Variants in KIF13B observed in about 807,000 individuals in gnomAD.
KIF13B encodes the protein kinesin family member 13B.
In KIF13B, 127 loss-of-function variants were observed where a neutral mutation model predicts 222.0. That is an observed-to-expected ratio of 0.57 (90% CI 0.50 to 0.66). KIF13B has a LOEUF of 0.66. KIF13B is among the 30% of genes least tolerant of loss of function. The pLI, the probability that KIF13B is intolerant of heterozygous loss-of-function variation, is 0.00. For missense variants in KIF13B, 2,173 were observed against 2,379.0 expected (o/e 0.91, Z 1.80); for synonymous variants, 976 against 919.0 (o/e 1.06, Z -1.12).
chr8:29,160,979 T>A, intron 12 of KIF13B, 112 bp from the exon 13 acceptor site: 2 of 861,632 alleles, frequency 2.3e-6, no homozygotes, highest in Non-Finnish European at 3.6e-6. Flanking sequence ...TTCAAATACA[T>A]TCTCTTAGGC....
At chr8:29,197,108 C>T (rs1475870890) in intron 2 of KIF13B, among the ~76,000 whole-genome samples, 2 of 151,708 alleles carry the variant, frequency 1.3e-5, no homozygotes, top group South Asian at 2.1e-4. Flanking sequence ...GAGGCCGAGG[C>T]GGGCGGATCA....
chr8:29,152,811 C>T (rs892930389), intron 14 of KIF13B, among the ~76,000 whole-genome samples: 1 of 152,140 alleles, frequency 6.6e-6, no homozygotes, highest in South Asian at 2.1e-4. Context: ...CTCCTGACCT[C>T]AAGTAATCCG....
intron 2 of KIF13B, among the ~76,000 whole-genome samples, chr8:29,200,690 T>C (rs1043347273): frequency 2.6e-5 from 4 of 152,190 alleles, no homozygotes; most frequent in African/African-American, 7.2e-5. Flanking sequence ...CTAATGTCCT[T>C]TTTTTGGTCC....
At chr8:29,244,675 A>G (rs1440260767) in intron 2 of KIF13B, among the ~76,000 whole-genome samples, 1 of 152,162 alleles carries the variant, frequency 6.6e-6, no homozygotes, top group Non-Finnish European at 1.5e-5. Flanking sequence ...ATCCCAGCTT[A>G]TTTACAGTCC....
At chr8:29,119,024 GA>G in intron 29 of KIF13B, 32 bp from the exon 30 acceptor site, 1 of 1,601,882 alleles carries the variant, frequency 6.2e-7, no homozygotes, top group South Asian at 1.1e-5. Context: ...TAAATACTGA[GA>G]TCATTTTCAA....
chr8:29,094,757 A>G lies in KIF13B; in HGVS notation c.4325-1879T>C, dbSNP rs570032988. On this transcript the variant is annotated intron_variant, in intron 36 of 39. Coordinates refer to ENST00000524189, the MANE Select transcript of KIF13B (RefSeq NM_015254.4). ...CAACGACTTTAAGGCAGCTTTCTTA[A>G]CCAAGTCCAAAGATGCAAAGGAGAA... is the stretch of plus-strand genomic sequence containing the variant. Among the ~76,000 whole-genome samples the G allele has an allele frequency of 2.0e-5, 3 of 152,366 alleles. No homozygotes were observed. The South Asian group carries it at 6.2e-4, about 32-fold the overall frequency.
intron 31 of KIF13B, among the ~76,000 whole-genome samples, chr8:29,115,326 AT>A (rs371020041): frequency 0.018 from 2,597 of 141,194 alleles, 32 homozygotes; most frequent in Non-Finnish European, 0.026. Flanking sequence ...AAAAAAAAGA[AT>A]TTTTTTTTTT....
chr8:29,184,165 C>G (rs1812833029), intron 6 of KIF13B, among the ~76,000 whole-genome samples: 1 of 151,716 alleles, frequency 6.6e-6, no homozygotes. Flanking sequence ...TCTATTATCT[C>G]CTGAGTAAAA....
At chr8:29,258,810 A>G (rs1816579657) in intron 1 of KIF13B, among the ~76,000 whole-genome samples, 1 of 152,078 alleles carries the variant, frequency 6.6e-6, no homozygotes, top group East Asian at 1.9e-4. Context: ...GCACTTAGTA[A>G]CTAGCAGCCT....
At chr8:29,182,484 C>G (rs546088042) in intron 6 of KIF13B, among the ~76,000 whole-genome samples, 3 of 152,062 alleles carry the variant, frequency 2.0e-5, no homozygotes, top group African/African-American at 7.2e-5. Flanking sequence ...AAGAGCCATG[C>G]GCTTTAATCA....
chr8:29,134,239 G>T, intron 21 of KIF13B, 29 bp from the exon 22 acceptor site: 2 of 1,605,286 alleles, frequency 1.2e-6, no homozygotes, highest in Non-Finnish European at 1.7e-6. Flanking sequence ...TCTGTGTTTT[G>T]AAATCTGAGG....
intron 1 of KIF13B, among the ~76,000 whole-genome samples, chr8:29,256,746 CTTT>C (rs1244309534): frequency 1.4e-5 from 2 of 140,774 alleles, no homozygotes; most frequent in South Asian, 2.2e-4. Flanking sequence ...ACAATTACTA[CTTT>C]TTTTGTTTGT....
At chr8:29,117,884 G>A (rs778311960) in intron 30 of KIF13B, among the ~76,000 whole-genome samples, 7 of 152,160 alleles carry the variant, frequency 4.6e-5, no homozygotes, top group Admixed American at 2.6e-4. Flanking sequence ...CTGGCCAGGC[G>A]CGGTGGCTCA....
At chr8:29,181,778 T>C (rs956038282) in intron 7 of KIF13B, 141 bp downstream of exon 7, 3 of 502,260 alleles carry the variant, frequency 6.0e-6, no homozygotes, top group Non-Finnish European at 1.0e-5. Context: ...AACTATCTCA[T>C]TTTTAGGATT....
intron 2 of KIF13B, among the ~76,000 whole-genome samples, chr8:29,204,231 A>AGGAT (rs1207742645): frequency 1.3e-5 from 2 of 152,258 alleles, no homozygotes; most frequent in Non-Finnish European, 2.9e-5. Flanking sequence ...TCATAATCAT[A>AGGAT]GGACTTTAGA....
intron 2 of KIF13B, among the ~76,000 whole-genome samples, chr8:29,222,439 C>T (rs756340946): frequency 3.4e-5 from 5 of 149,224 alleles, no homozygotes; most frequent in African/African-American, 7.4e-5. Flanking sequence ...CTCAATCTGT[C>T]GCCCAGGCTA....
chr8:29,163,015 C>T (rs988767194), intron 12 of KIF13B, among the ~76,000 whole-genome samples: 1 of 152,098 alleles, frequency 6.6e-6, no homozygotes, highest in African/African-American at 2.4e-5. Context: ...AGTGGCAGAC[C>T]AGGTTTAAAT....
chr8:29,115,640 A>C (rs866674119), intron 31 of KIF13B, among the ~76,000 whole-genome samples: 1 of 152,104 alleles, frequency 6.6e-6, no homozygotes, highest in African/African-American at 2.4e-5. Flanking sequence ...ATTCTTACCT[A>C]GAAGTTTTGT....
At chr8:29,097,317 A>C (rs1002982884) in intron 36 of KIF13B, among the ~76,000 whole-genome samples, 1 of 152,198 alleles carries the variant, frequency 6.6e-6, no homozygotes, top group Non-Finnish European at 1.5e-5. Flanking sequence ...AATAATTAGA[A>C]GCTAATTATC....
Sources: gnomAD v4.1 joint callset for allele counts (sites outside exome capture counted in the v4.1 genomes callset) on GRCh38, gnomAD v4.1.1 for gene constraint, MANE v1.5 for transcripts, NCBI Gene and HGNC (gene_info 2026-07-23, HGNC 2026-07-21) for gene names.